CACNA1I: variants seen among roughly 807,000 people sequenced by gnomAD.
The protein encoded by CACNA1I is calcium voltage-gated channel subunit alpha1 I, also known as voltage-dependent T-type calcium channel subunit alpha-1I.
CACNA1I carries 74 observed loss-of-function variants against 201.6 expected under a neutral mutation model. The ratio of observed to expected loss-of-function variants is 0.37; its 90% CI spans 0.30 to 0.45. The LOEUF (loss-of-function observed/expected upper bound fraction) is 0.45. Ranked by LOEUF, CACNA1I falls within the 20% of genes least tolerant of loss-of-function variation. The pLI is 1.00. For missense variants in CACNA1I, 2,346 were observed against 3,138.1 expected, an observed-to-expected ratio of 0.75 and a Z score of 6.03; for synonymous variants, 1,431 against 1,345.2, an observed-to-expected ratio of 1.06 and a Z score of -1.40.
rs770880843 is a variant in CACNA1I, at chr22:39,618,151, CT to C, written c.483-1152del. On this transcript the variant is annotated intron_variant, in intron 3 of 36. Coordinates refer to ENST00000402142, the MANE Select transcript of CACNA1I (RefSeq NM_021096.4). The stretch of plus-strand genomic sequence containing the variant: ...GGTATGTGGTTGTGTGTATGTGTGA[CT>C]TTTTTTGGAGGTGTGTGACTGTGTG... 2.1e-4 allele frequency among the ~76,000 whole-genome samples: 28 copies of C among 136,324 alleles called. No individual in the cohort carries two copies. The East Asian group carries it at 3.1e-3, about 15-fold the overall frequency. The allele number at this position is 136,324 out of a possible 152,430, so 89.4% of individuals were successfully genotyped here.
In CACNA1I at chr22:39,646,877, C is replaced by G. The variant is rs1269392789; in HGVS notation, c.1458C>G (p.His486Gln). ...GGCCCCACGCCAAGGAGCCCCGGCA[C>G]TACCGTAAGTGGCCCTGCATCCGAC... ...KPGPHAKEPR[H>Q]YHGKTKGQGD... The change falls in exon 8 of 37, where the codon CAC (histidine) becomes CAG (glutamine). Residue 486 changes from histidine to glutamine, a missense_variant. His to Gln is a conservative substitution (Grantham distance 24). This residue lies in a region of CACNA1I where 312 missense variants were observed against 331.5 expected (regional missense o/e 0.94). Transcript: ENST00000402142. 45 of 1,498,904 alleles carry G rather than the reference C, an allele frequency of 3.0e-5. No homozygotes were observed. The highest frequency in any genetic ancestry group is 3.9e-5 in the Non-Finnish European group (44 of 1,127,158). The allele number at this position is 1,498,904 out of a possible 1,614,324, so 92.9% of individuals were successfully genotyped here. A position where few individuals can be genotyped will look rare whatever the true frequency, so the allele number is the denominator to read the frequency against.
rs1172467757 is a variant in CACNA1I at position 39,570,917 on chromosome 22, G to A, written c.165G>A (p.Ala55=). 5.0e-6 allele frequency: 8 copies of A among 1,613,696 alleles called. No individual in the cohort carries two copies. Among genetic ancestry groups the A allele is most frequent in the Middle Eastern group, 1.6e-4 (1 of 6,084 alleles). ...ADPHVPHPDL[A]PIAFFCLRQT... ...CTCATGTCCCACACCCAGACCTGGC[G>A]CCTATTGCCTTCTTCTGCCTGCGAC... The change falls in exon 1 of 37, where the codon GCG becomes GCA. Residue 55 remains alanine, a synonymous_variant. Coordinates refer to ENST00000402142, the MANE Select transcript of CACNA1I (RefSeq NM_021096.4).
At chr22:39,606,791 C>T (rs977503393) in intron 3 of CACNA1I, among the ~76,000 whole-genome samples, 2 of 152,266 alleles carry the variant, frequency 1.3e-5, no homozygotes, top group Admixed American at 6.5e-5. Flanking sequence ...CTCGGCCTCC[C>T]GAAGTGCTGG....
chr22:39,600,966 G>A (rs1041983857), intron 3 of CACNA1I, among the ~76,000 whole-genome samples: 19 of 152,148 alleles, frequency 1.2e-4, no homozygotes, highest in Non-Finnish European at 2.6e-4. Context: ...TAGTAGCTGC[G>A]TCAAAATGAG....
At position 39,677,951 on chromosome 22, in the gene CACNA1I, G is replaced by A. The variant is rs746960177; in HGVS notation, c.4934-36G>A. ...TCAGGGTGAGCCCCGCAGGCACTCC[G>A]CCATCGGGCAGGGCTGACCTCCTCC... On this transcript the variant is annotated intron_variant, in intron 30 of 36. Transcript: ENST00000402142. The surrounding 1 kb of genome is among the most constrained non-coding windows in gnomAD (Gnocchi z 4.8). 5.8e-6 allele frequency: 9 copies of A among 1,552,478 alleles called. No individual in the cohort carries two copies. The East Asian group carries it at 1.9e-4, about 33-fold the overall frequency.
intron 2 of CACNA1I, among the ~76,000 whole-genome samples, chr22:39,598,941 G>GTTTTTTTTTTTTT (rs3044380): frequency 1.5e-5 from 1 of 68,242 alleles, no homozygotes; most frequent in Non-Finnish European, 2.5e-5. Flanking sequence ...TGCCTCTTGG[G>GTTTTTTTTTTTTT]TTTTTTTTTT....
chr22:39,668,489 A>C, intron 24 of CACNA1I, 108 bp downstream of exon 24: 1 of 698,700 alleles, frequency 1.4e-6, no homozygotes, highest in South Asian at 1.6e-5. Flanking sequence ...CCACAGCCCC[A>C]GTGTCTCCCC....
In CACNA1I at chr22:39,641,002, G is replaced by A. The variant is rs1601486893; in HGVS notation, c.876G>A (p.Glu292=). 1 of 1,614,044 alleles carries A rather than the reference G, an allele frequency of 6.2e-7. No homozygotes were observed. The highest frequency in any genetic ancestry group is 8.5e-7 in the Non-Finnish European group (1 of 1,179,908). ...CCCCGCTCAAGGAGCAGGGCCGTGA[G>A]TGCTGCCTGTCCAAGGACGACGTCT... ...EIPPLKEQGR[E]CCLSKDDVYD... The change falls in exon 6 of 37, where the codon GAG becomes GAA. Residue 292 remains glutamate (E), a synonymous_variant. Transcript: ENST00000402142.
chr22:39,669,538 T>G (rs1935300643), intron 24 of CACNA1I, among the ~76,000 whole-genome samples: 1 of 150,404 alleles, frequency 6.6e-6, no homozygotes. Flanking sequence ...GGTGGATGGA[T>G]GAATGGATGG....
chr22:39,650,978 C>A (rs1934629839), intron 10 of CACNA1I, among the ~76,000 whole-genome samples: 1 of 152,118 alleles, frequency 6.6e-6, no homozygotes. Context: ...ACAGGCCCCA[C>A]CTGGGGTTGA....
intron 24 of CACNA1I, 45 bp downstream of exon 24, chr22:39,668,426 C>A: frequency 7.7e-7 from 1 of 1,301,330 alleles, no homozygotes; most frequent in Non-Finnish European, 1.1e-6. Flanking sequence ...CAGGGAGGAA[C>A]ATGGTGTCCT....
intron 1 of CACNA1I, among the ~76,000 whole-genome samples, chr22:39,589,558 G>A (rs1932798103): frequency 6.6e-6 from 1 of 152,230 alleles, no homozygotes; most frequent in Admixed American, 6.5e-5. Context: ...GGTGGTCCTG[G>A]AACAGGGATG....
chr22:39,684,463 C>A lies in CACNA1I; in HGVS notation c.5992C>A (p.Arg1998=). 6.2e-7 allele frequency: 1 copy of A among 1,613,302 alleles called. No homozygotes were observed. Among genetic ancestry groups the A allele is most frequent in the Admixed American group, 1.7e-5 (1 of 60,004 alleles). ...GCTGCAGGGCTCCTGGGCATCTCTG[C>A]GGTCACCAAGGGTCAACTGTACCCT... The part of the protein sequence containing the change: ...IALQGSWASL[R]SPRVNCTLLR... The change falls in exon 36 of 37, where the codon CGG becomes AGG. Residue 1998 remains arginine (R), a synonymous_variant. Transcript: ENST00000402142. The surrounding 1 kb of genome is among the most constrained non-coding windows in gnomAD (Gnocchi z 4.6).
chr22:39,606,088 A>G (rs937145158), intron 3 of CACNA1I, among the ~76,000 whole-genome samples: 16 of 152,164 alleles, frequency 1.1e-4, no homozygotes, highest in African/African-American at 3.4e-4. Context: ...GTCAAAGGAC[A>G]GCGTTCATCC....
chr22:39,674,149 C>A, intron 29 of CACNA1I, 116 bp downstream of exon 29: 1 of 962,008 alleles, frequency 1.0e-6, no homozygotes, highest in South Asian at 1.4e-5. Flanking sequence ...AGGGCAGATG[C>A]TGTCTCTGGG....
chr22:39,583,498 A>T (rs534033724), intron 1 of CACNA1I, among the ~76,000 whole-genome samples: 1 of 152,130 alleles, frequency 6.6e-6, no homozygotes, highest in Non-Finnish European at 1.5e-5. Flanking sequence ...CCATCTCTTC[A>T]TGCATTCGTC....
rs12106525 is a variant in CACNA1I at position 39,663,384 on chromosome 22, C to T, written c.3474-334C>T. Among the ~76,000 whole-genome samples, 345 of 152,252 alleles carry T rather than the reference C, an allele frequency of 2.3e-3. 2 individuals carry two copies. Among genetic ancestry groups the T allele is most frequent in the African/African-American group, 8.0e-3 (331 of 41,534 alleles). On this transcript the variant is annotated intron_variant, in intron 18 of 36. Transcript: ENST00000402142. ...GGCTGTGAAGAGGAGGAGCCTGGTGCAGGGGCAGGGAGCAGCCTGAGGGAA... is the reference window on the plus strand; with the variant it reads ...GGCTGTGAAGAGGAGGAGCCTGGTGTAGGGGCAGGGAGCAGCCTGAGGGAA...
chr22:39,675,535 A>G (rs958294342), intron 29 of CACNA1I, among the ~76,000 whole-genome samples: 1 of 152,240 alleles, frequency 6.6e-6, no homozygotes, highest in East Asian at 1.9e-4. Context: ...ACTTGAGAAG[A>G]AGCACGTGCC....
chr22:39,639,927 G>A (rs1158868236), intron 5 of CACNA1I, among the ~76,000 whole-genome samples: 2 of 152,150 alleles, frequency 1.3e-5, no homozygotes, highest in African/African-American at 2.4e-5. Context: ...CCTTTTTAAA[G>A]CTTGTCTTGA....
Sources: allele counts gnomAD v4.1 joint callset (sites outside exome capture counted in the v4.1 genomes callset), GRCh38; gene constraint gnomAD v4.1.1; regional missense constraint gnomAD v4.1.1; non-coding constraint Gnocchi (gnomAD v3.1); transcripts MANE v1.5; gene names NCBI Gene and HGNC (gene_info 2026-07-23, HGNC 2026-07-21).